Variants in STAMBPL1 observed in about 807,000 individuals in gnomAD.
STAMBPL1 encodes AMSH-like protease.
Under a neutral mutation model 52.9 loss-of-function variants are expected in STAMBPL1, and 44 were observed. The ratio of observed to expected loss-of-function variants is 0.83; its 90% CI spans 0.65 to 1.07. STAMBPL1 has a LOEUF of 1.07. Among genes scored for constraint, STAMBPL1 ranks in the 50% least tolerant of loss-of-function variants. STAMBPL1 has a pLI of 0.00. For synonymous variants in STAMBPL1, 164 were observed against 177.3 expected (o/e 0.92, Z 0.60); for missense variants, 511 against 520.8 (o/e 0.98, Z 0.18).
Position 88,923,207 on chromosome 10 carries a change from G to T in STAMBPL1, c.1294G>T (p.Val432Leu). ...HVLVKDIKII[V>L]LDLR ...GTTGGTAAAAGACATAAAAATAATT[G>T]TGTTGGATCTGAGGTGATATGTTCT... Residue 432 changes from valine to leucine, a missense_variant, in exon 11 of 11, where the codon GTG becomes TTG. Val to Leu is a conservative substitution (Grantham distance 32, BLOSUM62 1). Around this residue, in one of 3 missense-constraint regions of STAMBPL1, gnomAD observed 137 missense variants for 139.9 expected, o/e 0.98. Transcript: ENST00000371926. 1.2e-6 allele frequency: 2 copies of T among 1,606,146 alleles called. No individual in the cohort carries two copies. The highest frequency in any genetic ancestry group is 1.1e-5 in the South Asian group (1 of 89,202).
intron 7 of STAMBPL1, among the ~76,000 whole-genome samples, chr10:88,915,202 T>C (rs898586030): frequency 6.6e-6 from 1 of 152,160 alleles, no homozygotes. Flanking sequence ...AATGTCATAA[T>C]AGAAGGGATG....
intron 1 of STAMBPL1, among the ~76,000 whole-genome samples, chr10:88,900,846 CA>C (rs1473332306): frequency 1.3e-5 from 2 of 152,206 alleles, no homozygotes; most frequent in African/African-American, 4.8e-5. Flanking sequence ...GACTTGTTGA[CA>C]TGGGCTAGAG....
intron 2 of STAMBPL1, among the ~76,000 whole-genome samples, chr10:88,905,077 C>T (rs996386288): frequency 2.0e-5 from 3 of 152,114 alleles, no homozygotes; most frequent in Admixed American, 2.0e-4. Flanking sequence ...GGCAGGAATT[C>T]ATCTTATGAC....
intron 1 of STAMBPL1, among the ~76,000 whole-genome samples, chr10:88,895,706 G>T (rs7913997): frequency 0.072 from 11,001 of 152,214 alleles, 1,009 homozygotes; most frequent in African/African-American, 0.21. Flanking sequence ...TAAATAAGCT[G>T]CTGTAGCACT....
At chr10:88,918,405 G>T (rs972541469) in intron 8 of STAMBPL1, among the ~76,000 whole-genome samples, 5 of 151,966 alleles carry the variant, frequency 3.3e-5, no homozygotes, top group African/African-American at 1.2e-4. Flanking sequence ...ATTACTATGT[G>T]CTATCAGTTA....
chr10:88,897,581 G>C (rs1844843298), intron 1 of STAMBPL1, among the ~76,000 whole-genome samples: 1 of 152,162 alleles, frequency 6.6e-6, no homozygotes, highest in Non-Finnish European at 1.5e-5. Flanking sequence ...AGAGGTCAGG[G>C]AGTAGGCTGA....
chr10:88,900,248 A>G (rs969656726), intron 1 of STAMBPL1, among the ~76,000 whole-genome samples: 2 of 152,216 alleles, frequency 1.3e-5, no homozygotes, highest in African/African-American at 4.8e-5. Context: ...ATCACTGAAT[A>G]TTATAACTGA....
In STAMBPL1 at chr10:88,922,446, T is replaced by A. The variant is rs150248535; in HGVS notation, c.1254+10T>A. 1.2e-6 allele frequency: 2 copies of A among 1,611,756 alleles called. No homozygotes were observed. Among genetic ancestry groups the A allele is most frequent in the Non-Finnish European group, 1.7e-6 (2 of 1,178,620 alleles). On this transcript the variant is annotated intron_variant, in intron 10 of 10. Coordinates refer to ENST00000371926, the MANE Select transcript of STAMBPL1 (RefSeq NM_020799.4). Reference sequence around the variant, plus strand: ...GCCCAGGCTGTTCAGTGTGAGTACATCATATTAGTTATTTTTCCAGGTATT... The same window carrying A: ...GCCCAGGCTGTTCAGTGTGAGTACAACATATTAGTTATTTTTCCAGGTATT...
Position 88,887,453 on chromosome 10 carries a change from G to C in STAMBPL1, c.-54+6815G>C, listed in dbSNP as rs566619171. ...ACTAGGGCAGTGATTCTCAAACTAG[G>C]CTCAAAGTAAGAAAATGTCCTCCAT... On this transcript the variant is annotated intron_variant, in intron 1 of 10. Transcript: ENST00000371926. 4.6e-5 allele frequency among the ~76,000 whole-genome samples: 7 copies of C among 152,150 alleles called. No individual in the cohort carries two copies. The East Asian group carries it at 1.4e-3, about 29-fold the overall frequency.
rs1845532265 is a variant in STAMBPL1, at chr10:88,922,284, G to A, written c.1155-53G>A. 3.2e-6 allele frequency: 5 copies of A among 1,546,240 alleles called. No homozygotes were observed. In the East Asian group the frequency reaches 1.1e-4, roughly 35 times the overall value. ...GTGTGCTGTTCAAATAAAGCATCTGGAATGCCCAAATGATCCTTAATTTTT... is the reference window on the plus strand; with the variant it reads ...GTGTGCTGTTCAAATAAAGCATCTGAAATGCCCAAATGATCCTTAATTTTT... On this transcript the variant is annotated intron_variant, in intron 9 of 10. Coordinates refer to ENST00000371926, the MANE Select transcript of STAMBPL1 (RefSeq NM_020799.4).
At chr10:88,911,898 C>G (rs972645767) in intron 5 of STAMBPL1, among the ~76,000 whole-genome samples, 2 of 151,994 alleles carry the variant, frequency 1.3e-5, no homozygotes, top group African/African-American at 4.8e-5. Context: ...GACAAAGCAA[C>G]AACAGCAAGG....
chr10:88,919,398 G>A (rs1177235320), intron 8 of STAMBPL1, among the ~76,000 whole-genome samples: 7 of 152,140 alleles, frequency 4.6e-5, no homozygotes, highest in Non-Finnish European at 1.0e-4. Flanking sequence ...GGGAATGGGA[G>A]CCTCATTCTC....
chr10:88,922,491 A>C, intron 10 of STAMBPL1, 55 bp downstream of exon 10: 1 of 1,528,302 alleles, frequency 6.5e-7, no homozygotes, highest in Non-Finnish European at 9.0e-7. Flanking sequence ...CTGCCCCCCC[A>C]ATCTGTTTTT....
intron 3 of STAMBPL1, among the ~76,000 whole-genome samples, chr10:88,906,014 G>GTGC (rs1373225030): frequency 1.3e-5 from 2 of 152,152 alleles, no homozygotes; most frequent in African/African-American, 4.8e-5. Flanking sequence ...AGGAACTACA[G>GTGC]TGCAGCTCCA....
At chr10:88,900,469 G>T (rs966509353) in intron 1 of STAMBPL1, among the ~76,000 whole-genome samples, 1 of 152,158 alleles carries the variant, frequency 6.6e-6, no homozygotes, top group Non-Finnish European at 1.5e-5. Flanking sequence ...ACATTCACTT[G>T]ACTTCTCTGA....
chr10:88,909,850 C>T (rs1402962489), intron 4 of STAMBPL1, among the ~76,000 whole-genome samples: 1 of 152,182 alleles, frequency 6.6e-6, no homozygotes, highest in Non-Finnish European at 1.5e-5. Flanking sequence ...ATCCACCTGC[C>T]TCTGCCTCCC....
chr10:88,913,215 T>G lies in STAMBPL1; in HGVS notation c.535T>G (p.Phe179Val). ...GCAGCTAGAATCGGAGCAGTTTCTG[T>G]TTTTCGAAGATCAACTCAAGAAGCA... Reference protein sequence around the residue: ...QQQLESEQFLFFEDQLKKQEL... With the variant: ...QQQLESEQFLVFEDQLKKQEL... Residue 179 changes from phenylalanine to valine, a missense_variant, in exon 6 of 11, where the codon TTT becomes GTT. Physicochemically the swap from Phe to Val is conservative, Grantham distance 50 (BLOSUM62 -1). Around this residue, in one of 3 missense-constraint regions of STAMBPL1, gnomAD observed 358 missense variants for 343.5 expected, o/e 1.04. Coordinates refer to ENST00000371926, the MANE Select transcript of STAMBPL1 (RefSeq NM_020799.4). 6.2e-7 allele frequency: 1 copy of G among 1,613,782 alleles called. No individual in the cohort carries two copies. The highest frequency in any genetic ancestry group is 1.1e-5 in the South Asian group (1 of 91,072).
rs368354676 is a variant in STAMBPL1 at position 88,905,504 on chromosome 10, G to T, written c.92G>T (p.Arg31Leu). ...TCCCTAAGCCCAGAAGAGCGAGTCC[G>T]TGCCCTAAGCAAGCTTGGTTGTAAT... The part of the protein sequence containing the change: ...DVSLSPEERV[R>L]ALSKLGCNIT... The change falls in exon 3 of 11, where the codon CGT becomes CTT. Residue 31 changes from arginine (R) to leucine (L), a missense_variant. Arg to Leu is a moderately radical substitution (Grantham distance 102, BLOSUM62 -2). Coordinates refer to ENST00000371926, the MANE Select transcript of STAMBPL1 (RefSeq NM_020799.4). 1.9e-6 allele frequency: 3 copies of T among 1,613,974 alleles called. No homozygotes were observed. In the African/African-American group the frequency reaches 4.0e-5, roughly 22 times the overall value.
intron 1 of STAMBPL1, among the ~76,000 whole-genome samples, chr10:88,896,229 G>A (rs1844807092): frequency 1.3e-5 from 2 of 152,132 alleles, no homozygotes; most frequent in South Asian, 4.1e-4. Context: ...TAGAAGATAA[G>A]TGTAAAAACA....
Sources: allele counts gnomAD v4.1 joint callset (sites outside exome capture counted in the v4.1 genomes callset), GRCh38; gene constraint gnomAD v4.1.1; regional missense constraint gnomAD v4.1.1; transcripts MANE v1.5; gene names NCBI Gene and HGNC (gene_info 2026-07-23, HGNC 2026-07-21).